Variants in RGN observed in about 807,000 individuals in gnomAD.
The protein encoded by RGN is regucalcin, also known as epididymis secretory protein Li 41.
RGN carries 19 observed loss-of-function variants against 20.6 expected under a neutral mutation model. That is an observed-to-expected ratio of 0.92 (90% CI 0.64 to 1.35). The LOEUF (loss-of-function observed/expected upper bound fraction) is 1.35. Among genes scored for constraint, RGN ranks in the 40% most tolerant of loss-of-function variants. RGN has a pLI of 0.00. For synonymous variants in RGN, 85 were observed against 87.2 expected, an observed-to-expected ratio of 0.97 and a Z score of 0.14; for missense variants, 302 against 232.7, an observed-to-expected ratio of 1.30 and a Z score of -1.94.
intron 3 of RGN, among the ~76,000 whole-genome samples, 183 bp downstream of exon 3, chrX:47,081,490 T>C (rs1302792466): frequency 9.7e-6 from 1 of 102,800 alleles, no homozygotes; most frequent in Non-Finnish European, 2.0e-5. Flanking sequence ...CTCTTCCTCT[T>C]TGAATGAGGG....
chrX:47,086,054 C>T (rs782519259), intron 4 of RGN, among the ~76,000 whole-genome samples: 4 of 112,202 alleles, frequency 3.6e-5, no homozygotes, highest in Middle Eastern at 4.6e-3. Context: ...ATTTCCTTTT[C>T]ATATCTCTTT....
intron 4 of RGN, among the ~76,000 whole-genome samples, chrX:47,085,654 T>A (rs1471819132): frequency 9.2e-6 from 1 of 108,280 alleles, no homozygotes; most frequent in Non-Finnish European, 1.9e-5. Flanking sequence ...GTCCTTTATT[T>A]AAAAAAAAAA....
Position 47,093,020 on chromosome X carries a change from A to G in RGN, c.*73A>G. 1 of 811,749 alleles carries G rather than the reference A, an allele frequency of 1.2e-6. No individual in the cohort carries two copies. Among genetic ancestry groups the G allele is most frequent in the Non-Finnish European group, 1.8e-6 (1 of 557,268 alleles). The allele number at this position is 811,749 out of a possible 1,213,427, so 66.9% of individuals were successfully genotyped here. On this transcript the variant is annotated 3_prime_UTR_variant, in exon 8 of 8. Transcript: ENST00000397180. ...AATTCTGGGCCTGAAATTTCAATCT[A>G]GTTAGAAAGAAAAATGAGGCAATGA...
rs781941064 is a variant in RGN, at chrX:47,089,960, C to G, written c.531C>G (p.Ala177=). 1.6e-5 allele frequency: 19 copies of G among 1,200,977 alleles called. No individual in the cohort carries two copies. Among genetic ancestry groups the G allele is most frequent in the Admixed American group, 2.2e-5 (1 of 45,059 alleles). The part of the protein sequence containing the change: ...YIDSLSYSVD[A]FDYDLQTGQI... ...ACAGCCTGTCCTACTCCGTGGATGC[C>G]TTTGACTATGACCTGCAGACAGGAC... Residue 177 remains alanine (A), a synonymous_variant, in exon 5 of 8, where the codon GCC becomes GCG. Coordinates refer to ENST00000397180, the MANE Select transcript of RGN (RefSeq NM_152869.4).
At chrX:47,087,324 C>T (rs781784673) in intron 4 of RGN, among the ~76,000 whole-genome samples, 72 of 111,453 alleles carry the variant, frequency 6.5e-4, no homozygotes, top group Non-Finnish European at 1.1e-3. Context: ...AGACTGCTTC[C>T]CATCTTCCTG....
intron 4 of RGN, among the ~76,000 whole-genome samples, chrX:47,086,253 T>C (rs1930583693): frequency 2.7e-5 from 3 of 111,590 alleles, no homozygotes; most frequent in South Asian, 3.7e-4. Flanking sequence ...GAATACCGCA[T>C]AGATAATGTT....
In RGN at chrX:47,090,915, G is replaced by GAA. The variant is rs1172006104; in HGVS notation, c.563-763_563-762insAA. On this transcript the variant is annotated intron_variant, in intron 5 of 7. Coordinates refer to ENST00000397180, the MANE Select transcript of RGN (RefSeq NM_152869.4). ...GAAGAAAGAAAGAAAGAAAGAAGAA[G>GAA]GAAAGAAAGAAAGAAAGAAAGAAAG... 5.8e-5 allele frequency among the ~76,000 whole-genome samples: 3 copies of GAA among 51,893 alleles called. 1 individual carries two copies. The highest frequency in any genetic ancestry group is 2.5e-4 in the Admixed American group (1 of 4,072). 45.1% of individuals were successfully genotyped at this position (51,893 alleles called of 115,157 possible).
chrX:47,085,321 C>T (rs2147014768), intron 4 of RGN, among the ~76,000 whole-genome samples: 1 of 111,154 alleles, frequency 9.0e-6, no homozygotes, highest in African/African-American at 3.3e-5. Flanking sequence ...AGATTTGAGA[C>T]CATCCTGGCT....
rs782483326 is a variant in RGN at position 47,089,890 on chromosome X, A to G, written c.461A>G (p.Asn154Ser). Residue 154 changes from asparagine (N) to serine (S), a missense_variant, in exon 5 of 8, where the codon AAT becomes AGT. Asn to Ser is a conservative substitution (Grantham distance 46). Coordinates refer to ENST00000397180, the MANE Select transcript of RGN (RefSeq NM_152869.4). ...KKYFDQVDIS[N>S]GLDWSLDHKI... ...TACTTTGACCAGGTGGACATTTCCA[A>G]TGGTTTGGATTGGTCGCTAGACCAC... 2.0e-5 allele frequency: 24 copies of G among 1,205,914 alleles called. No individual in the cohort carries two copies. In the East Asian group the frequency reaches 4.2e-4, roughly 21 times the overall value.
intron 4 of RGN, among the ~76,000 whole-genome samples, chrX:47,085,471 C>T (rs1556383926): frequency 2.3e-4 from 25 of 109,508 alleles, no homozygotes; most frequent in Non-Finnish European, 1.9e-5. Context: ...AAGCTGTGGT[C>T]GCACCACTGC....
At chrX:47,083,200 G>T (rs1190488474) in intron 3 of RGN, among the ~76,000 whole-genome samples, 1 of 110,395 alleles carries the variant, frequency 9.1e-6, no homozygotes, top group African/African-American at 3.3e-5. Flanking sequence ...AGGAGTTCAA[G>T]ACCAGCCTGA....
In RGN at chrX:47,089,995, T is replaced by C. The variant is rs782660204; in HGVS notation, c.562+4T>C. The C allele has an allele frequency of 1.7e-6, 2 of 1,143,796 alleles. No individual in the cohort carries two copies. Among genetic ancestry groups the C allele is most frequent in the Non-Finnish European group, 2.4e-6 (2 of 843,957 alleles). The allele number at this position is 1,143,796 out of a possible 1,213,427, so 94.3% of individuals were successfully genotyped here. ...GACCTGCAGACAGGACAGATCTGTA[T>C]GTATTTTTCATTATTTGTCTCAGTG... On this transcript the variant is annotated splice_donor_region_variant and intron_variant, in intron 5 of 7. Coordinates refer to ENST00000397180, the MANE Select transcript of RGN (RefSeq NM_152869.4).
intron 4 of RGN, 85 bp downstream of exon 4, chrX:47,084,685 G>A (rs1004947661): frequency 2.3e-6 from 2 of 873,561 alleles, no homozygotes; most frequent in Admixed American, 6.6e-5. Flanking sequence ...GACCAGGGTG[G>A]TGGCTCCCGC....
intron 2 of RGN, 40 bp from the exon 3 acceptor site, chrX:47,081,090 T>A: frequency 9.9e-7 from 1 of 1,011,015 alleles, no homozygotes; most frequent in Non-Finnish European, 1.4e-6. Context: ...GTATTTGTTC[T>A]GTGCGATGAC....
rs148051057 is a variant in RGN, at chrX:47,084,555, C to T, written c.301C>T (p.Arg101Cys). Residue 101 changes from arginine to cysteine, a missense_variant, in exon 4 of 8, where the codon CGC becomes TGC. Coordinates refer to ENST00000397180, the MANE Select transcript of RGN (RefSeq NM_152869.4). ...ATVDNDKKNN[R>C]FNDGKVDPAG... ...GGTGGATAACGACAAGAAAAACAATCGCTTCAATGATGGGAAGGTGGATCC... is the reference window on the plus strand; with the variant it reads ...GGTGGATAACGACAAGAAAAACAATTGCTTCAATGATGGGAAGGTGGATCC... 1.3e-3 allele frequency: 1,587 copies of T among 1,198,555 alleles called. 14 individuals are homozygous for T. In the African/African-American group the frequency reaches 0.024, roughly 18 times the overall value.
chrX:47,090,086 G>C, intron 5 of RGN, 95 bp downstream of exon 5: 2 of 564,185 alleles, frequency 3.5e-6, no homozygotes, highest in Non-Finnish European at 5.6e-6. Context: ...ATGTGAAGAA[G>C]TCTTCACTTA....
Position 47,092,042 on chromosome X carries a change from A to G in RGN, c.695-19A>G. The G allele has an allele frequency of 1.7e-6, 2 of 1,192,168 alleles. No homozygotes were observed. The highest frequency in any genetic ancestry group is 1.1e-6 in the Non-Finnish European group (1 of 881,561). ...AAATTGCTACAACTAAACTTAAAAT[A>G]AAATATTTGGTGGTCTAGGGAAAAG... On this transcript the variant is annotated intron_variant, in intron 6 of 7. Coordinates refer to ENST00000397180, the MANE Select transcript of RGN (RefSeq NM_152869.4).
In RGN at chrX:47,080,344, C is replaced by T. The variant is rs1429793713; in HGVS notation, c.-608C>T. 2 of 112,013 alleles carry T rather than the reference C, an allele frequency of 1.8e-5. No homozygotes were observed. The highest frequency in any genetic ancestry group is 3.7e-4 in the South Asian group (1 of 2,695). 9.2% of individuals were successfully genotyped at this position (112,013 alleles called of 1,213,427 possible). A position where few individuals can be genotyped will look rare whatever the true frequency, so the allele number is the denominator to read the frequency against. On this transcript the variant is annotated 5_prime_UTR_variant, in exon 2 of 8. Coordinates refer to ENST00000397180, the MANE Select transcript of RGN (RefSeq NM_152869.4). ...AATTTTTCTCTGTCTTCTCCCAGTT[C>T]GCTGGTCATGGTCTCTGGCCTAAAG...
intron 4 of RGN, chrX:47,087,495 T>C (rs782661848): frequency 1.8e-5 from 2 of 111,831 alleles, no homozygotes; most frequent in East Asian, 5.5e-4. Flanking sequence ...TAAGTAGAAG[T>C]TGACAGTTCT....
Sources: allele counts gnomAD v4.1 joint callset (sites outside exome capture counted in the v4.1 genomes callset), GRCh38; gene constraint gnomAD v4.1.1; transcripts MANE v1.5; gene names NCBI Gene and HGNC (gene_info 2026-07-23, HGNC 2026-07-21).